The following PARL variants were observed in gnomAD, a reference collection of about 807,000 sequenced individuals.
PARL encodes presenilin-associated rhomboid-like protein, mitochondrial.
A neutral mutation model predicts 51.6 loss-of-function variants in PARL; 44 were observed. The observed-to-expected ratio is 0.85, with a 90% confidence interval of 0.67 to 1.10. The LOEUF (loss-of-function observed/expected upper bound fraction) is 1.10, where lower values mean the gene tolerates loss of function less well. PARL is among the 50% of genes least tolerant of loss of function. The pLI is 0.00. For synonymous variants in PARL, 172 were observed against 164.0 expected, an observed-to-expected ratio of 1.05 and a Z score of -0.37; for missense variants, 441 against 469.5, an observed-to-expected ratio of 0.94 and a Z score of 0.56.
intron 1 of PARL, among the ~76,000 whole-genome samples, chr3:183,870,459 TCA>T (rs1419912141): frequency 6.6e-6 from 1 of 151,934 alleles, no homozygotes; most frequent in Non-Finnish European, 1.5e-5. Context: ...TCTTCTGGCC[TCA>T]CACTGCTTTT....
intron 4 of PARL, among the ~76,000 whole-genome samples, chr3:183,861,913 C>T (rs1388421385): frequency 6.6e-6 from 1 of 152,026 alleles, no homozygotes; most frequent in Non-Finnish European, 1.5e-5. Context: ...AGCTGGGACC[C>T]CAGGCACGCA....
At chr3:183,831,441 C>T (rs2108577634) in intron 9 of PARL, among the ~76,000 whole-genome samples, 2 of 152,340 alleles carry the variant, frequency 1.3e-5, no homozygotes, top group Non-Finnish European at 2.9e-5. Context: ...TTTTCTGTAG[C>T]GGCAGCGCAA....
chr3:183,868,169 T>G lies in PARL; in HGVS notation c.126-109A>C, dbSNP rs1159250007. 1.3e-5 allele frequency: 11 copies of G among 816,808 alleles called. No individual in the cohort carries two copies. The East Asian group carries it at 2.9e-4, about 21-fold the overall frequency. 50.6% of individuals were successfully genotyped at this position (816,808 alleles called of 1,614,324 possible). ...TCACCATCTCAATTTATTCTCACTC[T>G]ACAGTCCAAAAACAGCCAAGACTCC... On this transcript the variant is annotated intron_variant, in intron 1 of 9. Transcript: ENST00000317096.
chr3:183,858,985 CACAG>C (rs1731483169), intron 4 of PARL, among the ~76,000 whole-genome samples: 1 of 151,952 alleles, frequency 6.6e-6, no homozygotes, highest in Non-Finnish European at 1.5e-5. Context: ...AAGGGATTTG[CACAG>C]ACAGATTGAG....
intron 9 of PARL, 138 bp downstream of exon 9, chr3:183,833,354 T>A: frequency 1.4e-6 from 1 of 711,330 alleles, no homozygotes; most frequent in Non-Finnish European, 2.6e-6. Flanking sequence ...TTCCTCACCC[T>A]CCCAAGCCCA....
At chr3:183,828,048 T>C (rs1196765493), downstream of PARL, among the ~76,000 whole-genome samples, 3 of 152,036 alleles carry the variant, frequency 2.0e-5, no homozygotes, top group African/African-American at 7.2e-5. Flanking sequence ...GAGGAGAAAG[T>C]GAAGCACCCT....
chr3:183,865,556 C>T (rs1180807880), intron 3 of PARL, among the ~76,000 whole-genome samples: 1 of 152,124 alleles, frequency 6.6e-6, no homozygotes, highest in South Asian at 2.1e-4. Context: ...GCAAACCCTA[C>T]TGTGAGATGC....
At chr3:183,854,089 A>T (rs550842005) in intron 4 of PARL, among the ~76,000 whole-genome samples, 2 of 152,128 alleles carry the variant, frequency 1.3e-5, no homozygotes, top group African/African-American at 4.8e-5. Context: ...AAAAAAAAAT[A>T]CAAAAATTAG....
chr3:183,834,926 G>C (rs1319807831), intron 7 of PARL, among the ~76,000 whole-genome samples: 2 of 150,880 alleles, frequency 1.3e-5, no homozygotes, highest in East Asian at 3.9e-4. Flanking sequence ...GGGCGTGGTG[G>C]CGGATGCTTA....
chr3:183,840,493 C>A, intron 7 of PARL, 77 bp downstream of exon 7: 1 of 724,666 alleles, frequency 1.4e-6, no homozygotes, highest in Non-Finnish European at 2.3e-6. Context: ...AATTTTACAA[C>A]ATTCTTCTAA....
At chr3:183,872,986 T>C (rs1733385705) in intron 1 of PARL, among the ~76,000 whole-genome samples, 1 of 152,218 alleles carries the variant, frequency 6.6e-6, no homozygotes, top group Non-Finnish European at 1.5e-5. Context: ...CTCCCCTTCT[T>C]ATTTAAACAA....
chr3:183,833,572 G>C lies in PARL; in HGVS notation c.948C>G (p.Ile316Met). 6.2e-7 allele frequency: 1 copy of C among 1,613,060 alleles called. No homozygotes were observed. Among genetic ancestry groups the C allele is most frequent in the Non-Finnish European group, 8.5e-7 (1 of 1,179,042 alleles). ...GGATCATTCCTGCTGTATCCATGGC[G>C]ATAATGGCTTTCAGGGCCTGAAAGG... is the stretch of plus-strand genomic sequence containing the variant. ...FTAGNALKAI[I>M]AMDTAGMILG... The change falls in exon 9 of 10, where the codon ATC becomes ATG. Residue 316 changes from isoleucine to methionine, a missense_variant. Coordinates refer to ENST00000317096, the MANE Select transcript of PARL (RefSeq NM_018622.7).
At chr3:183,883,982 T>C (rs920366775) in intron 1 of PARL, among the ~76,000 whole-genome samples, 2 of 152,238 alleles carry the variant, frequency 1.3e-5, no homozygotes, top group Non-Finnish European at 2.9e-5. Context: ...GGCACCCATC[T>C]AACCAAGTCA....
rs1407536197 is a variant in PARL, at chr3:183,884,789, A to G, written c.58T>C (p.Ser20Pro). Residue 20 changes from serine (S) to proline (P), a missense_variant, in exon 1 of 10, where the codon TCG becomes CCG. Physicochemically the swap from Ser to Pro is moderately conservative, Grantham distance 74 (BLOSUM62 -1). Coordinates refer to ENST00000317096, the MANE Select transcript of PARL (RefSeq NM_018622.7). ...GWGCGQAWGA[S>P]VGGRSCEELT... Reference sequence around the variant, plus strand: ...TCCTCGCAGCTGCGGCCGCCCACCGACGCACCCCACGCCTGGCCGCAGCCC... The same window carrying G: ...TCCTCGCAGCTGCGGCCGCCCACCGGCGCACCCCACGCCTGGCCGCAGCCC... The G allele has an allele frequency of 6.3e-7, 1 of 1,592,152 alleles. No individual in the cohort carries two copies. The highest frequency in any genetic ancestry group is 1.7e-5 in the Admixed American group (1 of 59,012).
At chr3:183,859,843 C>T (rs1277687455) in intron 4 of PARL, among the ~76,000 whole-genome samples, 1 of 152,164 alleles carries the variant, frequency 6.6e-6, no homozygotes, top group East Asian at 1.9e-4. Context: ...TATCCAAAAT[C>T]TTTCCATCCA....
At chr3:183,881,106 G>A (rs996633737) in intron 1 of PARL, among the ~76,000 whole-genome samples, 2 of 139,644 alleles carry the variant, frequency 1.4e-5, no homozygotes, top group Non-Finnish European at 1.5e-5. Context: ...CTGTGCCACC[G>A]CACAGCCTTT....
At chr3:183,837,439 C>T (rs1191679735) in intron 7 of PARL, among the ~76,000 whole-genome samples, 1 of 152,242 alleles carries the variant, frequency 6.6e-6, no homozygotes, top group Non-Finnish European at 1.5e-5. Flanking sequence ...CCTTGCCACA[C>T]TGTAATGAGG....
rs1727643206 is a variant in PARL, at chr3:183,829,307, C to A, written c.*291G>T. ...CTGATCAGGCCTTTCAGGGTGCACTCTCCCCAGGTCCTGTCAATGCAACAA... is the reference window on the plus strand; with the variant it reads ...CTGATCAGGCCTTTCAGGGTGCACTATCCCCAGGTCCTGTCAATGCAACAA... On this transcript the variant is annotated 3_prime_UTR_variant, in exon 10 of 10. Coordinates refer to ENST00000317096, the MANE Select transcript of PARL (RefSeq NM_018622.7). The A allele has an allele frequency of 7.6e-6, 7 of 918,156 alleles. No individual in the cohort carries two copies. The South Asian group carries it at 1.2e-4, about 16-fold the overall frequency. 56.9% of individuals were successfully genotyped at this position (918,156 alleles called of 1,614,324 possible). A position where few individuals can be genotyped will look rare whatever the true frequency, so the allele number is the denominator to read the frequency against.
intron 4 of PARL, among the ~76,000 whole-genome samples, chr3:183,858,920 C>G (rs1361673209): frequency 2.6e-5 from 4 of 151,780 alleles, no homozygotes; most frequent in Non-Finnish European, 5.9e-5. Context: ...AAAAAAAAAT[C>G]CCCAAACAAA....
Sources: gnomAD v4.1 joint callset for allele counts (sites outside exome capture counted in the v4.1 genomes callset) on GRCh38, gnomAD v4.1.1 for gene constraint, MANE v1.5 for transcripts, NCBI Gene and HGNC (gene_info 2026-07-23, HGNC 2026-07-21) for gene names.